CDC123: variants seen among roughly 807,000 people sequenced by gnomAD.
CDC123 encodes the protein translation initiation factor eIF2 assembly protein.
Under a neutral mutation model 54.4 loss-of-function variants are expected in CDC123, and 37 were observed. The observed-to-expected ratio is 0.68, with a 90% CI of 0.52 to 0.89. CDC123 has a LOEUF of 0.89. Among genes scored for constraint, CDC123 ranks in the 40% least tolerant of loss-of-function variants. The pLI, the probability that CDC123 is intolerant of heterozygous loss-of-function variation, is 0.00. For synonymous variants in CDC123, 144 were observed against 136.8 expected (o/e 1.05, Z -0.37); for missense variants, 361 against 412.1 (o/e 0.88, Z 1.07).
intron 1 of CDC123, among the ~76,000 whole-genome samples, chr10:12,197,149 T>C (rs1835365824): frequency 6.6e-6 from 1 of 152,232 alleles, no homozygotes. Context: ...CTTAGATTCA[T>C]TGTACTTAAC....
At chr10:12,226,051 CAT>C (rs2131748284) in intron 6 of CDC123, among the ~76,000 whole-genome samples, 1 of 152,170 alleles carries the variant, frequency 6.6e-6, no homozygotes, top group Non-Finnish European at 1.5e-5. Flanking sequence ...GGACACAGCA[CAT>C]GTTTCAGAGA....
chr10:12,206,826 G>GC, intron 2 of CDC123, among the ~76,000 whole-genome samples: 1 of 152,112 alleles, frequency 6.6e-6, no homozygotes, highest in South Asian at 2.1e-4. Flanking sequence ...GGGTGTGGTG[G>GC]CGGGCGCCTG....
chr10:12,245,403 C>G (rs10906106), intron 10 of CDC123: 126,365 of 152,322 alleles, frequency 0.83, 52,531 homozygotes, highest in South Asian at 0.87. Flanking sequence ...CTACAGGCGT[C>G]TGCCACCGCA....
rs12258739 is a variant in CDC123, at chr10:12,249,510, C to T, written c.847-71C>T. 3 of 1,462,926 alleles carry T rather than the reference C, an allele frequency of 2.1e-6. No homozygotes were observed. The East Asian group carries it at 6.9e-5, about 34-fold the overall frequency. 90.6% of individuals were successfully genotyped at this position (1,462,926 alleles called of 1,614,324 possible). A position where few individuals can be genotyped will look rare whatever the true frequency, so the allele number is the denominator to read the frequency against. ...GGAGTTGAAATTGTTTTGCTAGGTTCTTTTTTAGTTCACAGAATAGGCCTA... is the reference window on the plus strand; with the variant it reads ...GGAGTTGAAATTGTTTTGCTAGGTTTTTTTTTAGTTCACAGAATAGGCCTA... On this transcript the variant is annotated intron_variant, in intron 11 of 12. Coordinates refer to ENST00000281141, the MANE Select transcript of CDC123 (RefSeq NM_006023.3).
rs1836091159 is a variant in CDC123 at position 12,243,752 on chromosome 10, C to A, written c.718-2397C>A. ...TGAGCAGAGATCGCACCACTGCACT[C>A]CAGCCTGAGTGACAGAGCGAGACTC... On this transcript the variant is annotated intron_variant, in intron 10 of 12. Transcript: ENST00000281141. Among the ~76,000 whole-genome samples the A allele has an allele frequency of 4.6e-5, 7 of 151,194 alleles. No individual in the cohort carries two copies. In the South Asian group the frequency reaches 1.3e-3, roughly 27 times the overall value.
chr10:12,202,578 G>A (rs546968223), intron 2 of CDC123, among the ~76,000 whole-genome samples: 122 of 152,362 alleles, frequency 8.0e-4, no homozygotes, highest in Non-Finnish European at 1.1e-3. Context: ...CCACTCTGAT[G>A]TCAGCTGCAA....
In CDC123 at chr10:12,217,468, G is replaced by A. The variant is rs771244677; in HGVS notation, c.440+1G>A. 15 of 1,612,510 alleles carry A rather than the reference G, an allele frequency of 9.3e-6. No individual in the cohort carries two copies. In the Admixed American group the frequency reaches 1.5e-4, roughly 16 times the overall value. On this transcript the variant is annotated splice_donor_variant, in intron 6 of 12. Coordinates refer to ENST00000281141, the MANE Select transcript of CDC123 (RefSeq NM_006023.3). LOFTEE classifies it high-confidence loss of function. ...TCATCACTCGTGACTTCACTCAGCCGTAAGTATCTCTTATTCTCTCATGTC... is the reference window on the plus strand; with the variant it reads ...TCATCACTCGTGACTTCACTCAGCCATAAGTATCTCTTATTCTCTCATGTC...
chr10:12,222,958 C>A (rs561710652), intron 6 of CDC123, among the ~76,000 whole-genome samples: 1 of 151,642 alleles, frequency 6.6e-6, no homozygotes, highest in Non-Finnish European at 1.5e-5. Flanking sequence ...GTGGCGTGAT[C>A]GTGGCTCACT....
intron 6 of CDC123, among the ~76,000 whole-genome samples, chr10:12,228,027 C>T (rs925616878): frequency 5.3e-5 from 8 of 152,028 alleles, no homozygotes; most frequent in Non-Finnish European, 1.0e-4. Context: ...CCTCAAACTC[C>T]GGAGCTCAAG....
chr10:12,231,060 TAAGTG>T, intron 7 of CDC123, 64 bp downstream of exon 7: 1 of 1,395,192 alleles, frequency 7.2e-7, no homozygotes, highest in Non-Finnish European at 9.9e-7. Context: ...TATTTATTCT[TAAGTG>T]AAATGAAATG....
At chr10:12,208,670 C>T (rs564907957) in intron 2 of CDC123, among the ~76,000 whole-genome samples, 2 of 151,974 alleles carry the variant, frequency 1.3e-5, no homozygotes, top group Non-Finnish European at 2.9e-5. Flanking sequence ...ATTGAGGGTG[C>T]GGTAATAGCT....
intron 7 of CDC123, among the ~76,000 whole-genome samples, chr10:12,234,466 G>A (rs1205496240): frequency 6.6e-6 from 1 of 152,172 alleles, no homozygotes; most frequent in Non-Finnish European, 1.5e-5. Context: ...GTGATCGCCC[G>A]CCTCAGTCTC....
At chr10:12,200,990 A>G (rs937663308) in intron 2 of CDC123, among the ~76,000 whole-genome samples, 2 of 152,192 alleles carry the variant, frequency 1.3e-5, no homozygotes, top group African/African-American at 4.8e-5. Context: ...TAACCCACAA[A>G]TCACATAGGG....
chr10:12,200,933 CAAAA>C (rs35686650), intron 2 of CDC123, among the ~76,000 whole-genome samples: 4,589 of 148,054 alleles, frequency 0.031, 92 homozygotes, highest in Non-Finnish European at 0.036. Context: ...AACTTCGTCT[CAAAA>C]AAAAAAAAGT....
intron 8 of CDC123, 124 bp downstream of exon 8, chr10:12,235,247 C>T (rs989654079): frequency 6.8e-6 from 5 of 735,694 alleles, no homozygotes; most frequent in Admixed American, 6.6e-5. Context: ...ATCTCAGATG[C>T]CACCTCTAAC....
intron 1 of CDC123, among the ~76,000 whole-genome samples, chr10:12,197,738 C>T (rs575224263): frequency 7.6e-6 from 1 of 130,978 alleles, no homozygotes; most frequent in Non-Finnish European, 1.7e-5. Context: ...TTTTTAAAAC[C>T]GAAGTTTTTG....
In CDC123 at chr10:12,209,991, G is replaced by T. The variant is rs1835576031; in HGVS notation, c.171G>T (p.Gln57His). Residue 57 changes from glutamine to histidine, a missense_variant, in exon 3 of 13, where the codon CAG (glutamine) becomes CAT (histidine). Physicochemically the swap from Gln to His is conservative, Grantham distance 24. Coordinates refer to ENST00000281141, the MANE Select transcript of CDC123 (RefSeq NM_006023.3). The part of the protein sequence containing the change: ...SGRDDPPTHS[Q>H]PDSDDEAEEI... Reference sequence around the variant, plus strand: ...GGGATGATCCACCAACACATTCTCAGCCAGACAGTGATGATGAAGCAGAAG... The same window carrying T: ...GGGATGATCCACCAACACATTCTCATCCAGACAGTGATGATGAAGCAGAAG... 1.2e-6 allele frequency: 2 copies of T among 1,614,124 alleles called. No individual in the cohort carries two copies. Among genetic ancestry groups the T allele is most frequent in the Non-Finnish European group, 1.7e-6 (2 of 1,180,016 alleles).
At chr10:12,248,001 CA>C (rs1157185466) in intron 11 of CDC123, among the ~76,000 whole-genome samples, 5,502 of 137,522 alleles carry the variant, frequency 0.04, 125 homozygotes, top group Non-Finnish European at 0.041. Flanking sequence ...AAGACTGTCT[CA>C]AAAAAAAAAA....
At chr10:12,236,038 AG>A (rs1161517635) in intron 8 of CDC123, among the ~76,000 whole-genome samples, 1 of 152,248 alleles carries the variant, frequency 6.6e-6, no homozygotes, top group African/African-American at 2.4e-5. Flanking sequence ...GAACGAGAGC[AG>A]GCTGTGAAGG....
Sources: gnomAD v4.1 joint callset for allele counts (sites outside exome capture counted in the v4.1 genomes callset) on GRCh38, gnomAD v4.1.1 for gene constraint, MANE v1.5 for transcripts, NCBI Gene and HGNC (gene_info 2026-07-23, HGNC 2026-07-21) for gene names.